KCNK10: variants seen among roughly 807,000 people sequenced by gnomAD.
The protein encoded by KCNK10 is potassium channel subfamily K member 10.
KCNK10 carries 25 observed loss-of-function variants against 47.7 expected under a neutral mutation model. The observed-to-expected ratio is 0.52, with a 90% CI of 0.38 to 0.73. The LOEUF (loss-of-function observed/expected upper bound fraction) is 0.73, where lower values mean the gene tolerates loss of function less well. Ranked by LOEUF, KCNK10 falls within the 30% of genes least tolerant of loss-of-function variation. The pLI, the probability that KCNK10 is intolerant of heterozygous loss-of-function variation, is 0.00. For synonymous variants in KCNK10, 303 were observed against 285.6 expected, an observed-to-expected ratio of 1.06 and a Z score of -0.61; for missense variants, 563 against 714.5, an observed-to-expected ratio of 0.79 and a Z score of 2.42.
chr14:88,216,348 T>A (rs532307891), intron 4 of KCNK10, among the ~76,000 whole-genome samples: 1 of 152,270 alleles, frequency 6.6e-6, no homozygotes, highest in Non-Finnish European at 1.5e-5. Context: ...TATCCCAGTA[T>A]AGCTATGGTC....
At chr14:88,282,249 T>C (rs1887667025) in intron 1 of KCNK10, among the ~76,000 whole-genome samples, 3 of 152,244 alleles carry the variant, frequency 2.0e-5, no homozygotes, top group Admixed American at 1.3e-4. Context: ...GTAAATAACT[T>C]GCCCAAGGCA....
At chr14:88,262,155 AG>A (rs1441743727) in intron 2 of KCNK10, among the ~76,000 whole-genome samples, 43 of 152,336 alleles carry the variant, frequency 2.8e-4, no homozygotes, top group Middle Eastern at 3.4e-3. Context: ...GAATTGTAAA[AG>A]CTGTCTTTTC....
chr14:88,310,211 C>A, intron 1 of KCNK10, among the ~76,000 whole-genome samples: 2 of 133,756 alleles, frequency 1.5e-5, no homozygotes, highest in African/African-American at 2.6e-5. Context: ...ATATGATATA[C>A]CATATCATAT....
intron 1 of KCNK10, among the ~76,000 whole-genome samples, chr14:88,288,488 C>T (rs895881269): frequency 1.3e-5 from 2 of 152,150 alleles, no homozygotes; most frequent in Non-Finnish European, 2.9e-5. Context: ...TGATTTCATT[C>T]CACCACTTCT....
At chr14:88,291,924 A>G (rs965317234) in intron 1 of KCNK10, among the ~76,000 whole-genome samples, 2 of 152,166 alleles carry the variant, frequency 1.3e-5, no homozygotes, top group Admixed American at 1.3e-4. Context: ...CTTCCCCAAG[A>G]AGTCCATCCA....
intron 4 of KCNK10, among the ~76,000 whole-genome samples, chr14:88,222,396 G>A (rs116793658): frequency 0.012 from 1,858 of 152,244 alleles, 39 homozygotes; most frequent in African/African-American, 0.042. Flanking sequence ...TTAGGAGAAC[G>A]GGATTGATGA....
intron 4 of KCNK10, among the ~76,000 whole-genome samples, chr14:88,209,052 A>G (rs574041045): frequency 6.6e-6 from 1 of 152,210 alleles, no homozygotes; most frequent in South Asian, 2.1e-4. Context: ...ACATCACTCA[A>G]TCTGAGAGGG....
chr14:88,236,300 G>C (rs563407062), intron 3 of KCNK10, among the ~76,000 whole-genome samples: 28 of 144,152 alleles, frequency 1.9e-4, no homozygotes, highest in Admixed American at 5.8e-4. Flanking sequence ...CTGGACAACA[G>C]AGCAAGACCC....
chr14:88,236,833 G>A (rs1330832936), intron 3 of KCNK10, among the ~76,000 whole-genome samples: 1 of 152,182 alleles, frequency 6.6e-6, no homozygotes, highest in Admixed American at 6.5e-5. Context: ...AATAATCTGA[G>A]TTTTCAACAA....
At chr14:88,224,541 T>G (rs17124280) in intron 4 of KCNK10, among the ~76,000 whole-genome samples, 9,080 of 152,268 alleles carry the variant, frequency 0.06, 550 homozygotes, top group East Asian at 0.24. Context: ...CTGGGATGTG[T>G]TGGAAGGACC....
intron 1 of KCNK10, among the ~76,000 whole-genome samples, chr14:88,294,175 T>C (rs2139783882): frequency 6.6e-6 from 1 of 152,296 alleles, no homozygotes; most frequent in South Asian, 2.1e-4. Flanking sequence ...AATTAGCACA[T>C]TCGATTCCCC....
rs771389824 is a variant in KCNK10 at position 88,185,613 on chromosome 14, C to T, written c.1554G>A (p.Glu518=). The change falls in exon 7 of 7, where the codon GAG becomes GAA. Residue 518 remains glutamate (E), a synonymous_variant. Transcript: ENST00000319231. This position sits in a 1 kb window ranked among gnomAD's most constrained non-coding sequence, Gnocchi z 4.3. Reference sequence around the variant, plus strand: ...CCGTGGGTATCATTCCGTTCTCCAACTCAGCGTGCTGCTGGATACAGTCCG... The same window carrying T: ...CCGTGGGTATCATTCCGTTCTCCAATTCAGCGTGCTGCTGGATACAGTCCG... ...MLTDCIQQHA[E]LENGMIPTDT... 2 of 1,614,060 alleles carry T rather than the reference C, an allele frequency of 1.2e-6. No homozygotes were observed. Among genetic ancestry groups the T allele is most frequent in the East Asian group, 4.5e-5 (2 of 44,894 alleles).
intron 1 of KCNK10, among the ~76,000 whole-genome samples, chr14:88,271,910 T>C (rs1371554674): frequency 6.9e-6 from 1 of 144,404 alleles, no homozygotes; most frequent in East Asian, 2.0e-4. Flanking sequence ...CTTGTATTTA[T>C]AAACCAAAGG....
At chr14:88,197,572 TAAAAAAAAAAAAAAAAAAAAA>T (rs71417717) in intron 4 of KCNK10, among the ~76,000 whole-genome samples, 446 of 17,160 alleles carry the variant, frequency 0.026, 12 homozygotes, top group Non-Finnish European at 0.04. Context: ...AGACTCCGAC[TAAAAAAAAAAAAAAAAAAAAA>T]AAAAAAAAAA....
In KCNK10 at chr14:88,287,350, G is replaced by A. The variant is rs547055157; in HGVS notation, c.53-23799C>T. 7.2e-4 allele frequency among the ~76,000 whole-genome samples: 110 copies of A among 152,292 alleles called. 1 individual carries two copies. Among genetic ancestry groups the A allele is most frequent in the Non-Finnish European group, 8.1e-4 (55 of 68,026 alleles). On this transcript the variant is annotated intron_variant, in intron 1 of 6. Coordinates refer to ENST00000319231, the MANE Select transcript of KCNK10 (RefSeq NM_138317.3). ...ATTATTATTTCTGTAGGTTTTTGGG[G>A]AAGAGGTGGTGTTTGGTTACATGAC...
At chr14:88,253,269 C>T (rs1886850468) in intron 2 of KCNK10, among the ~76,000 whole-genome samples, 1 of 151,950 alleles carries the variant, frequency 6.6e-6, no homozygotes, top group Admixed American at 6.6e-5. Context: ...ATAATTACAG[C>T]AAGATAACAG....
At chr14:88,310,253 T>TA (rs1888299782) in intron 1 of KCNK10, among the ~76,000 whole-genome samples, 3 of 25,940 alleles carry the variant, frequency 1.2e-4, no homozygotes, top group African/African-American at 6.4e-4. Flanking sequence ...ATGATATGCA[T>TA]TTATCATGGT....
intron 1 of KCNK10, among the ~76,000 whole-genome samples, chr14:88,278,109 C>T (rs1334995351): frequency 6.6e-6 from 1 of 152,150 alleles, no homozygotes; most frequent in African/African-American, 2.4e-5. Flanking sequence ...TGGGTGAGAG[C>T]TGGCGGTATC....
chr14:88,200,542 A>G (rs1212754459), intron 4 of KCNK10, among the ~76,000 whole-genome samples: 6 of 152,228 alleles, frequency 3.9e-5, no homozygotes, highest in Non-Finnish European at 7.3e-5. Flanking sequence ...AGGAACGAGA[A>G]GTTAGATAAG....
Sources: gnomAD v4.1 joint callset for allele counts (sites outside exome capture counted in the v4.1 genomes callset) on GRCh38, gnomAD v4.1.1 for gene constraint, Gnocchi (gnomAD v3.1) non-coding constraint, MANE v1.5 for transcripts, NCBI Gene and HGNC (gene_info 2026-07-23, HGNC 2026-07-21) for gene names.